WDR97: variants seen among roughly 807,000 people sequenced by gnomAD.
WDR97 encodes WD repeat domain 97.
Under a neutral mutation model 65.4 loss-of-function variants are expected in WDR97, and 111 were observed. The observed-to-expected ratio is 1.70, with a 90% confidence interval of 1.45 to 1.99. WDR97 has a LOEUF of 1.99. WDR97 is among the 30% of genes most tolerant of loss of function. WDR97 has a pLI of 0.00. For missense variants in WDR97, 1,674 were observed against 865.0 expected, an observed-to-expected ratio of 1.94 and a Z score of -11.73; for synonymous variants, 802 against 397.7, an observed-to-expected ratio of 2.02 and a Z score of -12.10.
chr8:144,109,238 C>T (rs1012138076), intron 4 of WDR97, 68 bp downstream of exon 4: 1 of 700,682 alleles, frequency 1.4e-6, no homozygotes, highest in African/African-American at 1.7e-5. Context: ...TGTCCAGCAT[C>T]TCCGCAGCTC....
chr8:144,114,205 G>A, intron 18 of WDR97, 43 bp downstream of exon 18: 1 of 697,812 alleles, frequency 1.4e-6, no homozygotes, highest in Non-Finnish European at 2.6e-6. Flanking sequence ...GGGTTAGGGT[G>A]AGGGACAGGG....
chr8:144,110,623 T>A, intron 7 of WDR97, 26 bp from the exon 8 acceptor site: 1 of 702,808 alleles, frequency 1.4e-6, no homozygotes, highest in South Asian at 1.5e-5. Flanking sequence ...CCAGCTCCGG[T>A]TCCTGACCCT....
chr8:144,116,209 G>A lies in WDR97; in HGVS notation c.4785G>A (p.Pro1595=), dbSNP rs1332107157. The A allele has an allele frequency of 2.0e-5, 14 of 688,186 alleles. No individual in the cohort carries two copies. Among genetic ancestry groups the A allele is most frequent in the South Asian group, 7.5e-5 (5 of 66,264 alleles). 42.6% of individuals were successfully genotyped at this position (688,186 alleles called of 1,614,324 possible). A position where few individuals can be genotyped will look rare whatever the true frequency, so the allele number is the denominator to read the frequency against. The change falls in exon 24 of 24, where the codon CCG becomes CCA. Residue 1595 remains proline, a synonymous_variant. Coordinates refer to ENST00000323662, the MANE Select transcript of WDR97 (RefSeq NM_001316309.2). ...TCCCCCTGGACTGGCCTATGCCCCC[G>A]CGCCCGCTGCCCCCGCGGCTCCTGC... ...QPFPLDWPMP[P]RPLPPRLLQP...
At position 144,113,980 on chromosome 8, in the gene WDR97, GC is replaced by G; in HGVS notation, c.3413del (p.Ala1138ValfsTer96). 1 of 702,580 alleles carries G rather than the reference GC, an allele frequency of 1.4e-6. No individual in the cohort carries two copies. Among genetic ancestry groups the G allele is most frequent in the East Asian group, 2.7e-5 (1 of 37,288 alleles). The allele number at this position is 702,580 out of a possible 1,614,324, so 43.5% of individuals were successfully genotyped here. On this transcript the variant is annotated frameshift_variant, in exon 18 of 24. Coordinates refer to ENST00000323662, the MANE Select transcript of WDR97 (RefSeq NM_001316309.2). LOFTEE classifies it high-confidence loss of function. ...GCAGCCACTGCTGCTCCCCTAGAGTGCTGTGGACTGGACCCAGGAGCCCCGG... is the reference window on the plus strand; with the variant it reads ...GCAGCCACTGCTGCTCCCCTAGAGTGTGTGGACTGGACCCAGGAGCCCCGG... Reference protein sequence around the residue: ...LDSWELEDQSAVDWTQEPRRR... With the variant: ...LDSWELEDQSXVDWTQEPRRR...
In WDR97 at chr8:144,109,583, C is replaced by T; in HGVS notation, c.1249C>T (p.Pro417Ser). 5.8e-6 allele frequency: 4 copies of T among 692,112 alleles called. No homozygotes were observed. The highest frequency in any genetic ancestry group is 7.9e-6 in the Non-Finnish European group (3 of 380,288). The allele number at this position is 692,112 out of a possible 1,614,324, so 42.9% of individuals were successfully genotyped here. ...QLWRVRELYS[P>S]LAQLPAKVLH... ...GTGGCGCGTACGCGAGCTCTACTCG[C>T]CGTTGGCGCAACTGCCCGCCAAGGT... Residue 417 changes from proline to serine, a missense_variant, in exon 5 of 24, where the codon CCG (proline) becomes TCG (serine). By Grantham distance (74) the Pro-to-Ser change is moderately conservative (BLOSUM62 -1). Transcript: ENST00000323662.
Position 144,117,362 on chromosome 8 carries a change from T to A in WDR97, c.*1069T>A, listed in dbSNP as rs1185426601. 1.3e-5 allele frequency: 2 copies of A among 152,210 alleles called. No individual in the cohort carries two copies. The highest frequency in any genetic ancestry group is 2.9e-5 in the Non-Finnish European group (2 of 68,056). The allele number at this position is 152,210 out of a possible 1,614,324, so 9.4% of individuals were successfully genotyped here. On this transcript the variant is annotated 3_prime_UTR_variant, in exon 24 of 24. Coordinates refer to ENST00000323662, the MANE Select transcript of WDR97 (RefSeq NM_001316309.2). Reference sequence around the variant, plus strand: ...GTCTGTCACTAGAGGACTTGACACTTTTTATAAAAAAAATGAGTAAACCTA... The same window carrying A: ...GTCTGTCACTAGAGGACTTGACACTATTTATAAAAAAAATGAGTAAACCTA...
In WDR97 at chr8:144,115,996, C is replaced by G. The variant is rs375302097; in HGVS notation, c.4649C>G (p.Ser1550Cys). ...QEAKPQRSARSAMRLRGPMRS... is the reference protein window; with the variant it reads ...QEAKPQRSARCAMRLRGPMRS... Reference sequence around the variant, plus strand: ...GCCAAGCCGCAGAGGTCCGCGAGGTCCGCGATGAGACTGAGGGGTGAGTGG... The same window carrying G: ...GCCAAGCCGCAGAGGTCCGCGAGGTGCGCGATGAGACTGAGGGGTGAGTGG... Residue 1550 changes from serine to cysteine, a missense_variant, in exon 23 of 24, where the codon TCC becomes TGC. By Grantham distance (112) the Ser-to-Cys change is moderately radical (BLOSUM62 -1). Transcript: ENST00000323662. 1.8e-3 allele frequency: 1,287 copies of G among 700,546 alleles called. 24 individuals are homozygous for G. The South Asian group carries it at 0.019, about 10-fold the overall frequency. The allele number at this position is 700,546 out of a possible 1,614,324, so 43.4% of individuals were successfully genotyped here. A position where few individuals can be genotyped will look rare whatever the true frequency, so the allele number is the denominator to read the frequency against.
chr8:144,111,592 G>T, intron 11 of WDR97, 40 bp from the exon 12 acceptor site: 1 of 678,980 alleles, frequency 1.5e-6, no homozygotes, highest in South Asian at 1.6e-5. Flanking sequence ...ACATAGCAAG[G>T]CTCAAGGAAG....
chr8:144,115,331 T>A lies in WDR97; in HGVS notation c.4078-10T>A. 1 of 592,702 alleles carries A rather than the reference T, an allele frequency of 1.7e-6. No individual in the cohort carries two copies. Among genetic ancestry groups the A allele is most frequent in the Non-Finnish European group, 3.0e-6 (1 of 331,372 alleles). The allele number at this position is 592,702 out of a possible 1,614,324, so 36.7% of individuals were successfully genotyped here. On this transcript the variant is annotated splice_polypyrimidine_tract_variant and intron_variant, in intron 21 of 23. Transcript: ENST00000323662. ...TCTCTAAGACCTTAGCACTTTCCTC[T>A]CCTCCCAAGGAGACCCCATCGCAGA... is the stretch of plus-strand genomic sequence containing the variant.
In WDR97 at chr8:144,114,775, G is replaced by A. The variant is rs1270756875; in HGVS notation, c.3941G>A (p.Gly1314Glu). 3 of 702,076 alleles carry A rather than the reference G, an allele frequency of 4.3e-6. No homozygotes were observed. The highest frequency in any genetic ancestry group is 1.7e-5 in the African/African-American group (1 of 57,244). The allele number at this position is 702,076 out of a possible 1,614,324, so 43.5% of individuals were successfully genotyped here. ...CRPELKKLLH[G>E]LGLQDPEGFL... ...CCAGAGCTCAAGAAGCTGCTGCACG[G>A]GCTGGGCCTTCAGGACCCAGAGGGC... The change falls in exon 21 of 24, where the codon GGG becomes GAG. Residue 1314 changes from glycine to glutamate, a missense_variant. Physicochemically the swap from Gly to Glu is moderately conservative, Grantham distance 98. Transcript: ENST00000323662.
intron 15 of WDR97, 163 bp from the exon 16 acceptor site, chr8:144,113,277 T>C: frequency 1.6e-6 from 1 of 628,908 alleles, no homozygotes. Flanking sequence ...TCCTGCCATC[T>C]GTGTTGAGAG....
rs1423798930 is a variant in WDR97, at chr8:144,108,894, C to T, written c.828C>T (p.Phe276=). The change falls in exon 3 of 24, where the codon TTC becomes TTT. Residue 276 remains phenylalanine, a synonymous_variant. Coordinates refer to ENST00000323662, the MANE Select transcript of WDR97 (RefSeq NM_001316309.2). ...FAAYGSAVLT[F]DLHAWTLVDV... The stretch of plus-strand genomic sequence containing the variant: ...CCTATGGCTCGGCCGTGCTCACCTT[C>T]GATCTGCATGCCTGGACTCTCGTAG... The T allele has an allele frequency of 4.3e-6, 3 of 702,822 alleles. No individual in the cohort carries two copies. The South Asian group carries it at 4.4e-5, about 10-fold the overall frequency. 43.5% of individuals were successfully genotyped at this position (702,822 alleles called of 1,614,324 possible). A position where few individuals can be genotyped will look rare whatever the true frequency, so the allele number is the denominator to read the frequency against.
Position 144,113,820 on chromosome 8 carries a change from C to G in WDR97, c.3347C>G (p.Ala1116Gly). The G allele has an allele frequency of 1.4e-6, 1 of 701,974 alleles. No individual in the cohort carries two copies. Among genetic ancestry groups the G allele is most frequent in the East Asian group, 2.7e-5 (1 of 37,250 alleles). 43.5% of individuals were successfully genotyped at this position (701,974 alleles called of 1,614,324 possible). A position where few individuals can be genotyped will look rare whatever the true frequency, so the allele number is the denominator to read the frequency against. Residue 1116 changes from alanine to glycine, a missense_variant, in exon 17 of 24, where the codon GCC becomes GGC. Ala to Gly is a moderately conservative substitution (Grantham distance 60). Transcript: ENST00000323662. ...EEKEDEELDW[A>G]LASLSPHSNQ... ...AAGGAAGACGAGGAGCTGGACTGGG[C>G]CTTGGCTTCCCTGAGCCCGCACTCC... is the stretch of plus-strand genomic sequence containing the variant.
rs1836659767 is a variant in WDR97 at position 144,116,164 on chromosome 8, G to T, written c.4740G>T (p.Pro1580=). Residue 1580 remains proline (P), a synonymous_variant, in exon 24 of 24, where the codon CCG becomes CCT. Coordinates refer to ENST00000323662, the MANE Select transcript of WDR97 (RefSeq NM_001316309.2). ...TCCGGACGCTGAAGCTGCCGTTGCC[G>T]CGTGTGGAGCCGCAGCCTTTCCCCC... is the stretch of plus-strand genomic sequence containing the variant. The part of the protein sequence containing the change: ...GPIRTLKLPL[P]RVEPQPFPLD... The T allele has an allele frequency of 4.3e-6, 3 of 700,216 alleles. No homozygotes were observed. Among genetic ancestry groups the T allele is most frequent in the South Asian group, 3.0e-5 (2 of 67,380 alleles). The allele number at this position is 700,216 out of a possible 1,614,324, so 43.4% of individuals were successfully genotyped here. A position where few individuals can be genotyped will look rare whatever the true frequency, so the allele number is the denominator to read the frequency against.
Position 144,108,622 on chromosome 8 carries a change from C to G in WDR97, c.556C>G (p.Leu186Val). The stretch of plus-strand genomic sequence containing the variant: ...GAGGCCCAACCTCAGCCTGCTGTGG[C>G]TGAGCGAGCAGGGGGTGGGCAGGGC... ...ILRPNLSLLW[L>V]SEQGVGRAPG... is the part of the protein sequence containing the mutation. Residue 186 changes from leucine to valine, a missense_variant, in exon 3 of 24, where the codon CTG becomes GTG. Coordinates refer to ENST00000323662, the MANE Select transcript of WDR97 (RefSeq NM_001316309.2). 1.4e-6 allele frequency: 1 copy of G among 700,646 alleles called. No individual in the cohort carries two copies. The highest frequency in any genetic ancestry group is 2.7e-5 in the East Asian group (1 of 37,248). 43.4% of individuals were successfully genotyped at this position (700,646 alleles called of 1,614,324 possible).
chr8:144,111,519 C>T (rs748905039), intron 11 of WDR97, 33 bp downstream of exon 11: 10 of 699,928 alleles, frequency 1.4e-5, no homozygotes, highest in South Asian at 4.5e-5. Context: ...CGCCCTGCCC[C>T]GGCTCAGGCC....
At position 144,110,913 on chromosome 8, in the gene WDR97, A is replaced by G. The variant is rs1836534125; in HGVS notation, c.2221A>G (p.Ser741Gly). Residue 741 changes from serine to glycine, a missense_variant, in exon 9 of 24, where the codon AGT becomes GGT. Ser to Gly is a moderately conservative substitution (Grantham distance 56). Transcript: ENST00000323662. Reference protein sequence around the residue: ...APQALAFCSNSGDLVLALGSR... With the variant: ...APQALAFCSNGGDLVLALGSR... ...TCAGGCCCTGGCTTTCTGCAGCAAC[A>G]GTGGAGACCTGGTGCTGGCGCTGGG... The G allele has an allele frequency of 1.4e-6, 1 of 702,822 alleles. No homozygotes were observed. The highest frequency in any genetic ancestry group is 2.6e-6 in the Non-Finnish European group (1 of 384,972). The allele number at this position is 702,822 out of a possible 1,614,324, so 43.5% of individuals were successfully genotyped here. A position where few individuals can be genotyped will look rare whatever the true frequency, so the allele number is the denominator to read the frequency against.
chr8:144,108,763 G>C lies in WDR97; in HGVS notation c.697G>C (p.Val233Leu). 1.4e-6 allele frequency: 1 copy of C among 701,842 alleles called. No homozygotes were observed. The highest frequency in any genetic ancestry group is 1.5e-5 in the South Asian group (1 of 67,532). The allele number at this position is 701,842 out of a possible 1,614,324, so 43.5% of individuals were successfully genotyped here. ...WQFRSGGRRL[V>L]LRGSALHPPP... Reference sequence around the variant, plus strand: ...GTTCCGTTCAGGTGGTCGCCGCCTGGTGCTGCGAGGGTCAGCACTGCACCC... The same window carrying C: ...GTTCCGTTCAGGTGGTCGCCGCCTGCTGCTGCGAGGGTCAGCACTGCACCC... Residue 233 changes from valine to leucine, a missense_variant, in exon 3 of 24, where the codon GTG becomes CTG. Transcript: ENST00000323662.
Position 144,111,909 on chromosome 8 carries a change from C to A in WDR97, c.2660C>A (p.Ser887Tyr). 1 of 701,684 alleles carries A rather than the reference C, an allele frequency of 1.4e-6. No individual in the cohort carries two copies. Among genetic ancestry groups the A allele is most frequent in the East Asian group, 2.7e-5 (1 of 37,232 alleles). 43.5% of individuals were successfully genotyped at this position (701,684 alleles called of 1,614,324 possible). A position where few individuals can be genotyped will look rare whatever the true frequency, so the allele number is the denominator to read the frequency against. Reference protein sequence around the residue: ...GLLGMQSGRGSQQWSAGTLRV... With the variant: ...GLLGMQSGRGYQQWSAGTLRV... Reference sequence around the variant, plus strand: ...CAGGGCATGCAGTCTGGAAGGGGGTCCCAGCAGTGGAGTGCCGGGACCCTC... The same window carrying A: ...CAGGGCATGCAGTCTGGAAGGGGGTACCAGCAGTGGAGTGCCGGGACCCTC... Residue 887 changes from serine to tyrosine, a missense_variant, in exon 13 of 24, where the codon TCC becomes TAC. Physicochemically the swap from Ser to Tyr is moderately radical, Grantham distance 144. Coordinates refer to ENST00000323662, the MANE Select transcript of WDR97 (RefSeq NM_001316309.2).
Sources: allele counts gnomAD v4.1 joint callset, GRCh38; gene constraint gnomAD v4.1.1; transcripts MANE v1.5; gene names NCBI Gene and HGNC (gene_info 2026-07-23, HGNC 2026-07-21).